The following NLRP11 variants were observed in gnomAD, a reference collection of about 807,000 sequenced individuals.
NLRP11 encodes the protein NLR family pyrin domain containing 11, also known as NACHT, LRR and PYD domains-containing protein 11.
A neutral mutation model predicts 79.3 loss-of-function variants in NLRP11; 53 were observed. The ratio of observed to expected loss-of-function variants is 0.67; its 90% CI spans 0.54 to 0.84. The LOEUF is 0.84. Ranked by LOEUF, NLRP11 falls within the 40% of genes least tolerant of loss-of-function variation. NLRP11 has a pLI of 0.00. For missense variants in NLRP11, 1,264 were observed against 1,255.0 expected, an observed-to-expected ratio of 1.01 and a Z score of -0.11; for synonymous variants, 518 against 462.6, an observed-to-expected ratio of 1.12 and a Z score of -1.54.
At chr19:55,811,584 T>G (rs1324705159) in intron 2 of NLRP11, among the ~76,000 whole-genome samples, 1 of 152,156 alleles carries the variant, frequency 6.6e-6, no homozygotes, top group African/African-American at 2.4e-5. Context: ...CCCTCTAGAC[T>G]ACCAGGGCTG....
chr19:55,788,096 G>A (rs555342029), intron 9 of NLRP11, among the ~76,000 whole-genome samples: 2 of 152,144 alleles, frequency 1.3e-5, no homozygotes, highest in Non-Finnish European at 2.9e-5. Flanking sequence ...CTTGGCAACA[G>A]TTAGGTAACA....
chr19:55,828,627 T>G (rs528020754), intron 1 of NLRP11, among the ~76,000 whole-genome samples: 1 of 152,218 alleles, frequency 6.6e-6, no homozygotes, highest in African/African-American at 2.4e-5. Context: ...ATGCATTAAA[T>G]GGTGCTGAGA....
intron 7 of NLRP11, 117 bp from the exon 8 acceptor site, chr19:55,789,516 C>T: frequency 2.2e-6 from 2 of 898,388 alleles, no homozygotes; most frequent in Non-Finnish European, 3.5e-6. Flanking sequence ...GGACTGCTTA[C>T]AGAAACAAGA....
exon 9 of NLRP11, chr19:55,788,813 A>G: frequency 6.2e-7 from 1 of 1,607,442 alleles, no homozygotes; most frequent in Non-Finnish European, 8.5e-7. Context: ...TTACCCAACT[A>G]CCTTAAGTAC....
intron 2 of NLRP11, 28 bp from the exon 3 acceptor site, chr19:55,810,366 T>C: frequency 3.2e-6 from 5 of 1,563,102 alleles, no homozygotes; most frequent in Non-Finnish European, 4.3e-6. Context: ...GGGCAGAAAA[T>C]ACAGAACAAA....
intron 5 of NLRP11, 141 bp from the exon 6 acceptor site, chr19:55,796,391 C>A: frequency 1.4e-6 from 1 of 721,258 alleles, no homozygotes; most frequent in Non-Finnish European, 2.2e-6. Flanking sequence ...TGCTTCTAAC[C>A]TTTCTTCTCC....
chr19:55,810,073 C>T (rs937856777), exon 3 of NLRP11: 3 of 1,614,034 alleles, frequency 1.9e-6, no homozygotes, highest in African/African-American at 2.7e-5. Context: ...CGTACGAGAT[C>T]ATGTTCTGCC....
At chr19:55,785,893 A>C in intron 9 of NLRP11, 22 bp from the exon 10 acceptor site, 1 of 1,606,864 alleles carries the variant, frequency 6.2e-7, no homozygotes, top group African/African-American at 1.3e-5. Context: ...CAGAGAGAGA[A>C]CGCCGTTAAT....
rs368312156 is a variant in NLRP11 at position 55,785,693 on chromosome 19, A to C, written c.3034T>G (p.Phe1012Val). 3.1e-6 allele frequency: 5 copies of C among 1,613,934 alleles called. No homozygotes were observed. The African/African-American group carries it at 6.7e-5, about 22-fold the overall frequency. Residue 1012 changes from phenylalanine to valine, a missense_variant, in exon 10 of 10, where the codon TTT (phenylalanine) becomes GTT (valine). Phe to Val is a conservative substitution (Grantham distance 50, BLOSUM62 -1). Transcript: ENST00000589093. ...GCAGACATTCTGGGAAATTTGAAAA[A>C]CATGTAATCCAAATTAGAATTAGGT...
intron 1 of NLRP11, among the ~76,000 whole-genome samples, chr19:55,821,140 T>C (rs984504278): frequency 2.0e-5 from 3 of 151,860 alleles, no homozygotes; most frequent in African/African-American, 7.3e-5. Flanking sequence ...CTCGGCACTG[T>C]TTAATGCATA....
chr19:55,832,244 C>T (rs1450395517), upstream of NLRP11: 1 of 152,172 alleles, frequency 6.6e-6, no homozygotes. Context: ...GGCATCTGAC[C>T]AAGAACCTCC....
chr19:55,828,135 A>C (rs1339395787), intron 1 of NLRP11, among the ~76,000 whole-genome samples: 2 of 151,298 alleles, frequency 1.3e-5, no homozygotes, highest in African/African-American at 4.9e-5. Context: ...ATGAAATTGG[A>C]AATCATCATT....
rs553606856 is a variant in NLRP11 at position 55,797,971 on chromosome 19, G to A, written c.2172-1721C>T. On this transcript the variant is annotated intron_variant, in intron 5 of 9. Transcript: ENST00000589093. ...AGAGGGTTAGCCAGGGCCACCCAGC[G>A]TGAAATGGTGTATTCTATATTATTA... Among the ~76,000 whole-genome samples, 10 of 151,770 alleles carry A rather than the reference G, an allele frequency of 6.6e-5. No homozygotes were observed. In the South Asian group the frequency reaches 1.7e-3, roughly 25 times the overall value.
Position 55,809,959 on chromosome 19 carries a change from G to A in NLRP11, c.651C>T (p.Ile217=), listed in dbSNP as rs1432759561. 1 of 1,613,924 alleles carries A rather than the reference G, an allele frequency of 6.2e-7. No individual in the cohort carries two copies. Among genetic ancestry groups the A allele is most frequent in the Non-Finnish European group, 8.5e-7 (1 of 1,179,898 alleles). ...AAAGGAGTTTCTTGGGATCAGACAG[G>A]ATGTCTGCAATGGGAGCCTGGCCGT... The change falls in exon 3 of 10, where the codon ATC becomes ATT. Residue 217 remains isoleucine (I), a synonymous_variant. Transcript: ENST00000589093. This position sits in a 1 kb window ranked among gnomAD's most constrained non-coding sequence, Gnocchi z 4.5.
chr19:55,798,557 G>A (rs1351336477), intron 5 of NLRP11, among the ~76,000 whole-genome samples: 1 of 152,094 alleles, frequency 6.6e-6, no homozygotes, highest in African/African-American at 2.4e-5. Context: ...AAATATCTAT[G>A]AGGTACTAGG....
chr19:55,831,106 C>A (rs1334611927), intron 1 of NLRP11, among the ~76,000 whole-genome samples: 1 of 131,480 alleles, frequency 7.6e-6, no homozygotes, highest in Non-Finnish European at 1.6e-5. Context: ...CCCCACCCCC[C>A]CCATCCCCCC....
chr19:55,818,343 T>C lies in NLRP11; in HGVS notation c.-62-107A>G, dbSNP rs919330180. 4.2e-5 allele frequency: 26 copies of C among 612,512 alleles called. No individual in the cohort carries two copies. In the Admixed American group the frequency reaches 6.6e-4, roughly 16 times the overall value. The allele number at this position is 612,512 out of a possible 1,614,324, so 37.9% of individuals were successfully genotyped here. On this transcript the variant is annotated intron_variant, in intron 1 of 9. Coordinates refer to ENST00000589093, the Ensembl canonical transcript of NLRP11. ...TGGTGTGATAGAAGCTCCTTTCTGA[T>C]AGGCCATCAACGATAAGTCTGAACT...
At chr19:55,802,730 A>G (rs1979602636) in intron 4 of NLRP11, among the ~76,000 whole-genome samples, 1 of 152,202 alleles carries the variant, frequency 6.6e-6, no homozygotes, top group Non-Finnish European at 1.5e-5. Context: ...CAAAAAGAAC[A>G]AAGCTGGAGG....
chr19:55,833,887 T>A (rs533487124), upstream of NLRP11, among the ~76,000 whole-genome samples: 7 of 151,946 alleles, frequency 4.6e-5, no homozygotes, highest in African/African-American at 1.7e-4. Flanking sequence ...TATAACAGAT[T>A]TCTGGGCAGT....
Sources: allele counts gnomAD v4.1 joint callset (sites outside exome capture counted in the v4.1 genomes callset), GRCh38; gene constraint gnomAD v4.1.1; non-coding constraint Gnocchi (gnomAD v3.1); transcripts MANE v1.5; gene names NCBI Gene and HGNC (gene_info 2026-07-23, HGNC 2026-07-21).